The following NFIX variants were observed in gnomAD, a reference collection of about 807,000 sequenced individuals.
The protein encoded by NFIX is nuclear factor I X.
Under a neutral mutation model 53.3 loss-of-function variants are expected in NFIX, and 2 were observed. The observed-to-expected ratio is 0.04, with a 90% CI of 0.02 to 0.12. The LOEUF is 0.12. Among genes scored for constraint, NFIX ranks in the 10% least tolerant of loss-of-function variants. NFIX has a pLI of 1.00. For missense variants in NFIX, 310 were observed against 674.5 expected (o/e 0.46, Z 5.99); for synonymous variants, 244 against 289.0 (o/e 0.84, Z 1.58).
At chr19:13,069,937 C>T (rs1319987366) in intron 2 of NFIX, 1 of 152,324 alleles carries the variant, frequency 6.6e-6, no homozygotes, top group African/African-American at 2.4e-5. Context: ...TGTCCCAAAT[C>T]CCAGGGTTAT....
Position 13,068,202 on chromosome 19 carries a change from C to T in NFIX, c.560-4845C>T, listed in dbSNP as rs1158334882. Among the ~76,000 whole-genome samples the T allele has an allele frequency of 6.6e-6, 1 of 152,154 alleles. No homozygotes were observed. The highest frequency in any genetic ancestry group is 1.5e-5 in the Non-Finnish European group (1 of 68,026). On this transcript the variant is annotated intron_variant, in intron 2 of 10. Coordinates refer to ENST00000592199, the MANE Select transcript of NFIX (RefSeq NM_001365902.3). The surrounding 1 kb of genome is among the most constrained non-coding windows in gnomAD (Gnocchi z 4.2). ...CCTCCTGGCTGCTGGAGCTTCCCCT[C>T]CAGAGCTCTACTGAAGAGGCAGTGT...
At chr19:13,010,757 CGT>C (rs1329185612) in intron 1 of NFIX, among the ~76,000 whole-genome samples, 4 of 152,214 alleles carry the variant, frequency 2.6e-5, no homozygotes, top group African/African-American at 9.6e-5. Context: ...CCTGCACACG[CGT>C]GTTTCACATG....
rs2011478475 is a variant in NFIX, at chr19:12,996,646, G to A, written c.27+782G>A. 6.6e-6 allele frequency among the ~76,000 whole-genome samples: 1 copy of A among 152,182 alleles called. No individual in the cohort carries two copies. Among genetic ancestry groups the A allele is most frequent in the African/African-American group, 2.4e-5 (1 of 41,456 alleles). On this transcript the variant is annotated intron_variant, in intron 1 of 10. Coordinates refer to ENST00000592199, the MANE Select transcript of NFIX (RefSeq NM_001365902.3). The surrounding 1 kb of genome is among the most constrained non-coding windows in gnomAD (Gnocchi z 5.2). ...CAAACTTTCTGGCCCCAGCGACCCG[G>A]GCTGCTGCGGAGTGGACCCGGCAGG...
chr19:13,018,213 C>T (rs1286115016), intron 1 of NFIX, among the ~76,000 whole-genome samples: 1 of 151,724 alleles, frequency 6.6e-6, no homozygotes, highest in Non-Finnish European at 1.5e-5. Context: ...TTATTCTGTG[C>T]CAAGAGGGTA....
chr19:13,076,234 A>G (rs1344676035), intron 6 of NFIX, among the ~76,000 whole-genome samples: 1 of 152,142 alleles, frequency 6.6e-6, no homozygotes, highest in African/African-American at 2.4e-5. Context: ...GCCCAGCTTC[A>G]CAGAGAGAGG....
At chr19:13,023,293 C>T (rs1025553024) in intron 1 of NFIX, among the ~76,000 whole-genome samples, 5 of 151,912 alleles carry the variant, frequency 3.3e-5, no homozygotes, top group African/African-American at 4.8e-5. Context: ...CGTCCTCCCT[C>T]GATCCTCGAT....
intron 2 of NFIX, among the ~76,000 whole-genome samples, chr19:13,044,768 A>G (rs899730984): frequency 6.6e-6 from 1 of 152,130 alleles, no homozygotes; most frequent in Non-Finnish European, 1.5e-5. Context: ...AAGAGATTAC[A>G]ATTGTCGTAA....
rs757427752 is a variant in NFIX, at chr19:13,002,826, G to T, written c.27+6962G>T. ...GGGGAGCCGGGGGTGGTGGCCAGCA[G>T]TGGGCAGGGGGCAGTGCCCACCACC... On this transcript the variant is annotated intron_variant, in intron 1 of 10. Coordinates refer to ENST00000592199, the MANE Select transcript of NFIX (RefSeq NM_001365902.3). This position sits in a 1 kb window ranked among gnomAD's most constrained non-coding sequence, Gnocchi z 6.1. Among the ~76,000 whole-genome samples, 1 of 152,170 alleles carries T rather than the reference G, an allele frequency of 6.6e-6. No homozygotes were observed. The highest frequency in any genetic ancestry group is 1.5e-5 in the Non-Finnish European group (1 of 68,004).
rs1166693243 is a variant in NFIX, at chr19:13,073,969, A to G, written c.761A>G (p.Tyr254Cys). Residue 254 changes from tyrosine (Y) to cysteine (C), a missense_variant, in exon 5 of 11, where the codon TAC becomes TGC. Coordinates refer to ENST00000592199, the MANE Select transcript of NFIX (RefSeq NM_001365902.3). This position sits in a 1 kb window ranked among gnomAD's most constrained non-coding sequence, Gnocchi z 4.5. ...SLADLESPSYYNINQVTLGRR... is the reference protein window; with the variant it reads ...SLADLESPSYCNINQVTLGRR... ...GCGGACCTGGAGAGTCCCAGCTACT[A>G]CAACATCAACCAGGTGACCCTGGGG... is the stretch of plus-strand genomic sequence containing the variant. 6.2e-7 allele frequency: 1 copy of G among 1,613,726 alleles called. No individual in the cohort carries two copies. Among genetic ancestry groups the G allele is most frequent in the Non-Finnish European group, 8.5e-7 (1 of 1,179,842 alleles).
chr19:13,035,846 T>C lies in NFIX; in HGVS notation c.559+10294T>C, dbSNP rs138120587. Among the ~76,000 whole-genome samples the C allele has an allele frequency of 1.2e-4, 18 of 152,302 alleles. No homozygotes were observed. The East Asian group carries it at 3.5e-3, about 29-fold the overall frequency. ...ATTGAATTGGCTCCGTCAAGTGCCA[T>C]TGTGGTCTTAACTCTTCCCACCCGC... is the stretch of plus-strand genomic sequence containing the variant. On this transcript the variant is annotated intron_variant, in intron 2 of 10. Transcript: ENST00000592199.
At chr19:13,064,730 A>G (rs1007769192) in intron 2 of NFIX, among the ~76,000 whole-genome samples, 3 of 152,200 alleles carry the variant, frequency 2.0e-5, no homozygotes, top group Non-Finnish European at 4.4e-5. Context: ...GCTCCTGGGG[A>G]GGGGAGCTGA....
At chr19:13,044,093 C>G (rs534556022) in intron 2 of NFIX, among the ~76,000 whole-genome samples, 1 of 152,352 alleles carries the variant, frequency 6.6e-6, no homozygotes, top group East Asian at 1.9e-4. Flanking sequence ...CTGTGATACT[C>G]CACCTTACCC....
Position 13,002,428 on chromosome 19 carries a change from G to A in NFIX, c.27+6564G>A, listed in dbSNP as rs188915421. On this transcript the variant is annotated intron_variant, in intron 1 of 10. Transcript: ENST00000592199. This position sits in a 1 kb window ranked among gnomAD's most constrained non-coding sequence, Gnocchi z 6.1. ...GAGGAGCCCCTCTGAGGGCGGGAGT[G>A]GCCTCGTGCAGGGGCCTGGGCCCCC... 1.8e-4 allele frequency among the ~76,000 whole-genome samples: 28 copies of A among 152,252 alleles called. No homozygotes were observed. Among genetic ancestry groups the A allele is most frequent in the Admixed American group, 1.8e-3 (28 of 15,308 alleles).
chr19:12,999,815 C>T (rs1191832951), intron 1 of NFIX, among the ~76,000 whole-genome samples: 3 of 152,258 alleles, frequency 2.0e-5, no homozygotes, highest in Non-Finnish European at 2.9e-5. Flanking sequence ...TCTGTCCCTG[C>T]GAAGCTATAG....
chr19:13,002,759 G>T lies in NFIX; in HGVS notation c.27+6895G>T, dbSNP rs2011783590. Among the ~76,000 whole-genome samples, 1 of 152,310 alleles carries T rather than the reference G, an allele frequency of 6.6e-6. No homozygotes were observed. Among genetic ancestry groups the T allele is most frequent in the South Asian group, 2.1e-4 (1 of 4,830 alleles). ...CGCTCTGCAGCCAATCGGAAGCCGGGGTTGCACTGGGGAGCTCTCCCCCCA... is the reference window on the plus strand; with the variant it reads ...CGCTCTGCAGCCAATCGGAAGCCGGTGTTGCACTGGGGAGCTCTCCCCCCA... On this transcript the variant is annotated intron_variant, in intron 1 of 10. Transcript: ENST00000592199. The surrounding 1 kb of genome is among the most constrained non-coding windows in gnomAD (Gnocchi z 6.1).
chr19:13,000,551 G>A (rs565618491), intron 1 of NFIX, among the ~76,000 whole-genome samples: 1 of 151,820 alleles, frequency 6.6e-6, no homozygotes, highest in East Asian at 2.0e-4. Context: ...AGAGATGGTG[G>A]GGGAGAGTGG....
chr19:13,027,312 C>CT lies in NFIX; in HGVS notation c.559+1766dup, dbSNP rs542247339. Reference sequence around the variant, plus strand: ...CTTCAGCTTGAATTTTTTCTTTTGTCTTTTTTCTTTTTGGAAAACAGACTG... The same window carrying CT: ...CTTCAGCTTGAATTTTTTCTTTTGTCTTTTTTTCTTTTTGGAAAACAGACTG... On this transcript the variant is annotated intron_variant, in intron 2 of 10. Coordinates refer to ENST00000592199, the MANE Select transcript of NFIX (RefSeq NM_001365902.3). The surrounding 1 kb of genome is among the most constrained non-coding windows in gnomAD (Gnocchi z 4.3). 3.9e-4 allele frequency among the ~76,000 whole-genome samples: 60 copies of CT among 152,138 alleles called. No homozygotes were observed. The highest frequency in any genetic ancestry group is 1.4e-3 in the African/African-American group (60 of 41,494).
rs1342664699 is a variant in NFIX at position 12,996,595 on chromosome 19, C to G, written c.27+731C>G. 6.6e-6 allele frequency among the ~76,000 whole-genome samples: 1 copy of G among 152,166 alleles called. No individual in the cohort carries two copies. Among genetic ancestry groups the G allele is most frequent in the Non-Finnish European group, 1.5e-5 (1 of 68,002 alleles). ...GACCCCGGACGTCGCAGCCTCTGCC[C>G]CCCCACCCCCAAACTTTCCTCGGCG... On this transcript the variant is annotated intron_variant, in intron 1 of 10. Transcript: ENST00000592199. This position sits in a 1 kb window ranked among gnomAD's most constrained non-coding sequence, Gnocchi z 5.2.
intron 1 of NFIX, among the ~76,000 whole-genome samples, chr19:13,016,446 A>T (rs573711893): frequency 5.3e-5 from 8 of 152,286 alleles, no homozygotes; most frequent in African/African-American, 1.4e-4. Context: ...GGTGAGGAGT[A>T]AGTTACTTGC....
Sources: gnomAD v4.1 joint callset for allele counts (sites outside exome capture counted in the v4.1 genomes callset) on GRCh38, gnomAD v4.1.1 for gene constraint, Gnocchi (gnomAD v3.1) non-coding constraint, MANE v1.5 for transcripts, NCBI Gene and HGNC (gene_info 2026-07-23, HGNC 2026-07-21) for gene names.